The following MYO16 variants were observed in gnomAD, a reference collection of about 807,000 sequenced individuals.
The protein encoded by MYO16 is myosin XVI, also known as unconventional myosin-XVI.
MYO16 carries 94 observed loss-of-function variants against 205.3 expected under a neutral mutation model. The ratio of observed to expected loss-of-function variants is 0.46; its 90% confidence interval spans 0.39 to 0.54. The LOEUF is 0.54. Among genes scored for constraint, MYO16 ranks in the 20% least tolerant of loss-of-function variants. MYO16 has a pLI of 0.00. For synonymous variants in MYO16, 988 were observed against 954.0 expected (o/e 1.04, Z -0.66); for missense variants, 2,315 against 2,387.5 (o/e 0.97, Z 0.63).
chr13:109,154,966 A>C (rs997958201), intron 32 of MYO16, among the ~76,000 whole-genome samples: 7 of 147,004 alleles, frequency 4.8e-5, no homozygotes, highest in Admixed American at 4.7e-4. Flanking sequence ...AAGGAAAGGG[A>C]TTGAAGTGAT....
At chr13:108,995,816 C>T (rs180734369) in intron 21 of MYO16, among the ~76,000 whole-genome samples, 3 of 152,298 alleles carry the variant, frequency 2.0e-5, no homozygotes, top group Admixed American at 2.0e-4. Flanking sequence ...ATATGTACCA[C>T]ATTTTCTTAA....
chr13:108,544,384 A>T, the MYO16 span, among the ~76,000 whole-genome samples: 1 of 152,220 alleles, frequency 6.6e-6, no homozygotes, highest in Non-Finnish European at 1.5e-5. Flanking sequence ...TAACTTTTTA[A>T]ATTTTTAATT....
chr13:109,021,891 T>A (rs1181585864), intron 23 of MYO16, among the ~76,000 whole-genome samples: 1 of 151,684 alleles, frequency 6.6e-6, no homozygotes, highest in Non-Finnish European at 1.5e-5. Context: ...GAGATATTGG[T>A]ATCATAGAAA....
Position 108,709,271 on chromosome 13 carries a change from G to C in MYO16, c.293-3390G>C, listed in dbSNP as rs1244265249. 2.6e-5 allele frequency among the ~76,000 whole-genome samples: 4 copies of C among 152,092 alleles called. 1 individual carries two copies. The South Asian group carries it at 8.3e-4, about 32-fold the overall frequency. On this transcript the variant is annotated intron_variant, in intron 2 of 34. Transcript: ENST00000457511. ...GTTGCTATGAACCCGTACCTTTTTG[G>C]ATAAAGTATTTTAACAGAAATTTGG... is the stretch of plus-strand genomic sequence containing the variant.
chr13:109,147,693 G>T (rs275943), intron 32 of MYO16, among the ~76,000 whole-genome samples: 52,824 of 151,774 alleles, frequency 0.35, 9,378 homozygotes, highest in East Asian at 0.47. Flanking sequence ...GTTGGGGGTG[G>T]GAGTGCTCAT....
intron 2 of MYO16, among the ~76,000 whole-genome samples, chr13:108,705,194 A>G (rs923277501): frequency 1.3e-5 from 2 of 152,224 alleles, no homozygotes; most frequent in African/African-American, 4.8e-5. Context: ...TCCATCTGGG[A>G]CATGAATCAA....
At chr13:108,982,567 G>A (rs1430873000) in intron 20 of MYO16, among the ~76,000 whole-genome samples, 1 of 152,110 alleles carries the variant, frequency 6.6e-6, no homozygotes, top group Non-Finnish European at 1.5e-5. Flanking sequence ...TTGTCTACAT[G>A]CATATACAGT....
chr13:108,743,315 A>C (rs1319841698), intron 4 of MYO16, among the ~76,000 whole-genome samples: 1 of 152,180 alleles, frequency 6.6e-6, no homozygotes, highest in Non-Finnish European at 1.5e-5. Context: ...TCATTCACTA[A>C]ATTTTTCTAT....
intron 1 of MYO16, among the ~76,000 whole-genome samples, chr13:108,632,486 G>C (rs945245762): frequency 2.0e-5 from 3 of 152,292 alleles, no homozygotes; most frequent in African/African-American, 7.2e-5. Context: ...ATGCTCGCAA[G>C]GAACTGTTAG....
chr13:108,605,283 C>G (rs150311750), intron 1 of MYO16, among the ~76,000 whole-genome samples: 30 of 152,240 alleles, frequency 2.0e-4, no homozygotes, highest in African/African-American at 7.0e-4. Context: ...TCTTAGTAAT[C>G]TATCTTTGTT....
chr13:108,635,690 G>C (rs1053631362), intron 1 of MYO16, among the ~76,000 whole-genome samples: 1 of 151,836 alleles, frequency 6.6e-6, no homozygotes, highest in East Asian at 1.9e-4. Flanking sequence ...AGTAGAGATG[G>C]GTTTTCACCA....
At chr13:108,912,562 G>A (rs1343904687) in intron 16 of MYO16, among the ~76,000 whole-genome samples, 1 of 152,036 alleles carries the variant, frequency 6.6e-6, no homozygotes, top group East Asian at 1.9e-4. Flanking sequence ...GAAGAAGCTT[G>A]TACTCAAGTG....
At chr13:108,875,864 AC>A (rs994917761) in intron 12 of MYO16, among the ~76,000 whole-genome samples, 18 of 152,102 alleles carry the variant, frequency 1.2e-4, no homozygotes, top group African/African-American at 4.3e-4. Flanking sequence ...GCTGAGCGAG[AC>A]CCTGTCTCAA....
chr13:109,043,257 T>C (rs1265061447), intron 23 of MYO16, among the ~76,000 whole-genome samples: 1 of 152,158 alleles, frequency 6.6e-6, no homozygotes, highest in Non-Finnish European at 1.5e-5. Context: ...AACTGAGAAA[T>C]GCGTAGTCAT....
chr13:108,555,713 C>T, the MYO16 span, among the ~76,000 whole-genome samples: 7 of 152,114 alleles, frequency 4.6e-5, no homozygotes, highest in Non-Finnish European at 1.0e-4. Context: ...ACTGAAGTTT[C>T]ACATGTTTTG....
At chr13:108,821,727 A>G (rs1256755543) in intron 8 of MYO16, among the ~76,000 whole-genome samples, 2 of 152,102 alleles carry the variant, frequency 1.3e-5, no homozygotes, top group East Asian at 3.9e-4. Context: ...GCAGTTGACA[A>G]TCTTAGGAAC....
At chr13:108,946,190 C>A (rs1882932332) in intron 16 of MYO16, among the ~76,000 whole-genome samples, 1 of 152,064 alleles carries the variant, frequency 6.6e-6, no homozygotes, top group South Asian at 2.1e-4. Context: ...CATCTCTGAT[C>A]AATATTTGTA....
At chr13:108,805,957 T>TAAATAAATAAATAAAA (rs1053138109) in intron 6 of MYO16, among the ~76,000 whole-genome samples, 4 of 151,334 alleles carry the variant, frequency 2.6e-5, no homozygotes, top group East Asian at 3.9e-4. Context: ...AATAAATAAA[T>TAAATAAATAAATAAAA]AAAATTAGCT....
intron 22 of MYO16, among the ~76,000 whole-genome samples, chr13:109,011,752 A>G (rs551539820): frequency 6.6e-6 from 1 of 151,988 alleles, no homozygotes; most frequent in East Asian, 1.9e-4. Context: ...TGACCTCGTA[A>G]TCCGCCTGCC....
Sources: allele counts gnomAD v4.1 joint callset (sites outside exome capture counted in the v4.1 genomes callset), GRCh38; gene constraint gnomAD v4.1.1; transcripts MANE v1.5; gene names NCBI Gene and HGNC (gene_info 2026-07-23, HGNC 2026-07-21).